The following LRP1 variants were observed in gnomAD, a reference collection of about 807,000 sequenced individuals.
LRP1 encodes the protein LDL receptor related protein 1.
Under a neutral mutation model 541.5 loss-of-function variants are expected in LRP1, and 51 were observed. The ratio of observed to expected loss-of-function variants is 0.09; its 90% confidence interval spans 0.08 to 0.12. The LOEUF (loss-of-function observed/expected upper bound fraction) is 0.12. LRP1 is among the 10% of genes least tolerant of loss of function. The pLI, the probability that LRP1 is intolerant of heterozygous loss-of-function variation, is 1.00. For synonymous variants in LRP1, 2,219 were observed against 2,470.8 expected (o/e 0.90, Z 3.02); for missense variants, 3,878 against 6,376.2 (o/e 0.61, Z 13.34).
intron 67 of LRP1, 130 bp from the exon 68 acceptor site, chr12:57,202,291 C>T: frequency 2.7e-6 from 2 of 753,732 alleles, no homozygotes; most frequent in South Asian, 1.5e-5. Flanking sequence ...ACCGCCTGGG[C>T]TCCCCGCGGC....
chr12:57,150,837 C>T (rs73342535), intron 6 of LRP1, among the ~76,000 whole-genome samples: 13,050 of 152,080 alleles, frequency 0.086, 1,234 homozygotes, highest in African/African-American at 0.22. Flanking sequence ...TGGAAGGTGA[C>T]AGAACCAGAA....
Position 57,193,321 on chromosome 12 carries a change from A to G in LRP1, c.7684+17A>G, listed in dbSNP as rs1038313229. 6.8e-6 allele frequency: 11 copies of G among 1,607,644 alleles called. No homozygotes were observed. In the Admixed American group the frequency reaches 1.5e-4, roughly 22 times the overall value. On this transcript the variant is annotated intron_variant, in intron 46 of 88. Transcript: ENST00000243077. ...CCTACTGCAGTAAGGAGCCCCCTGC[A>G]GCCCCTGCCTCTTCCAGGCCCAGAG...
chr12:57,178,382 G>A lies in LRP1; in HGVS notation c.4385G>A (p.Arg1462His), dbSNP rs566853443. The part of the protein sequence containing the change: ...DARSDAIYSA[R>H]YDGSGHMEVL... ...AGGTCAGATGCCATTTACTCAGCCC[G>A]TTACGACGGCTCTGGCCACATGGAG... is the stretch of plus-strand genomic sequence containing the variant. The change falls in exon 27 of 89, where the codon CGT (arginine) becomes CAT (histidine). Residue 1462 changes from arginine (R) to histidine (H), a missense_variant. Around this residue, in one of 13 missense-constraint regions of LRP1, gnomAD observed 54 missense variants for 167.7 expected, o/e 0.32. Transcript: ENST00000243077. This position sits in a 1 kb window ranked among gnomAD's most constrained non-coding sequence, Gnocchi z 5.8. 67 of 1,614,136 alleles carry A rather than the reference G, an allele frequency of 4.2e-5. 1 individual carries two copies. In the South Asian group the frequency reaches 6.0e-4, roughly 15 times the overall value.
chr12:57,191,949 A>ACACACCACACACACAC (rs1179965646), intron 44 of LRP1, among the ~76,000 whole-genome samples: 183 of 36,658 alleles, frequency 5.0e-3, no homozygotes, highest in Middle Eastern at 0.036. Flanking sequence ...CACCACATAC[A>ACACACCACACACACAC]CACACCACAT....
Position 57,180,103 on chromosome 12 carries a change from A to G in LRP1, c.5198A>G (p.Asn1733Ser). Residue 1733 changes from asparagine to serine, a missense_variant, in exon 31 of 89, where the codon AAT becomes AGT. Asn to Ser is a conservative substitution (Grantham distance 46, BLOSUM62 1). Around this residue, in one of 13 missense-constraint regions of LRP1, gnomAD observed 394 missense variants for 635.9 expected, o/e 0.62. Coordinates refer to ENST00000243077, the MANE Select transcript of LRP1 (RefSeq NM_002332.3). ...NISMANMDGS[N>S]RTLLFSGQKG... ...AGCATGGCCAACATGGATGGCAGCA[A>G]TCGCACCCTGCTCTTCAGTGGCCAG... 6.2e-7 allele frequency: 1 copy of G among 1,613,950 alleles called. No homozygotes were observed. The highest frequency in any genetic ancestry group is 1.6e-4 in the Middle Eastern group (1 of 6,062).
intron 42 of LRP1, among the ~76,000 whole-genome samples, chr12:57,188,379 G>A (rs918259910): frequency 1.3e-5 from 2 of 152,226 alleles, no homozygotes; most frequent in Non-Finnish European, 2.9e-5. Context: ...CAAAGCAGCT[G>A]TATAGATACG....
At position 57,187,471 on chromosome 12, in the gene LRP1, G is replaced by A; in HGVS notation, c.7031+15G>A. 6.2e-7 allele frequency: 1 copy of A among 1,607,934 alleles called. No homozygotes were observed. Among genetic ancestry groups the A allele is most frequent in the South Asian group, 1.1e-5 (1 of 90,210 alleles). ...GAGTGCCAGAAGTGAGCTGCTGCCTGGGGATGGGGGTAGCAGGGAGAGGTG... is the reference window on the plus strand; with the variant it reads ...GAGTGCCAGAAGTGAGCTGCTGCCTAGGGATGGGGGTAGCAGGGAGAGGTG... On this transcript the variant is annotated intron_variant, in intron 42 of 88. Coordinates refer to ENST00000243077, the MANE Select transcript of LRP1 (RefSeq NM_002332.3).
Position 57,150,189 on chromosome 12 carries a change from C to CTTTTTTTTTTTTTTTTTTTTTTTTTTTTT in LRP1, c.842-3999_842-3998insTTTTTTTTTTTTTTTTTTTTTTTTTTTTT, listed in dbSNP as rs769778868. ...GAGCCTGTAACAGGAAAACTTCCTT[C>CTTTTTTTTTTTTTTTTTTTTTTTTTTTTT]TTTTTTTTTTTTTTTTTTTTGAGAT... On this transcript the variant is annotated intron_variant, in intron 6 of 88. Coordinates refer to ENST00000243077, the MANE Select transcript of LRP1 (RefSeq NM_002332.3). 6.5e-5 allele frequency: 6 copies of CTTTTTTTTTTTTTTTTTTTTTTTTTTTTT among 92,844 alleles called. 2 individuals carry two copies. The highest frequency in any genetic ancestry group is 3.1e-4 in the African/African-American group (6 of 19,498). 5.8% of individuals were successfully genotyped at this position (92,844 alleles called of 1,614,324 possible).
In LRP1 at chr12:57,169,197, C is replaced by A; in HGVS notation, c.3053C>A (p.Thr1018Asn). The stretch of plus-strand genomic sequence containing the variant: ...GGCTGCAGCCACTCCTGTTCTAGCA[C>A]CCAGTTCAAGTGCAACAGCGGGCGT... ...EAGCSHSCSS[T>N]QFKCNSGRCI... Residue 1018 changes from threonine to asparagine, a missense_variant, in exon 20 of 89, where the codon ACC becomes AAC. Thr to Asn is a moderately conservative substitution (Grantham distance 65). Around this residue, in one of 13 missense-constraint regions of LRP1, gnomAD observed 320 missense variants for 547.9 expected, o/e 0.58. Transcript: ENST00000243077. 2 of 1,614,018 alleles carry A rather than the reference C, an allele frequency of 1.2e-6. No homozygotes were observed. Among genetic ancestry groups the A allele is most frequent in the Non-Finnish European group, 1.7e-6 (2 of 1,179,958 alleles).
intron 43 of LRP1, 76 bp downstream of exon 43, chr12:57,191,085 G>A (rs1374631180): frequency 1.4e-5 from 21 of 1,448,918 alleles, no homozygotes; most frequent in Middle Eastern, 2.1e-4. Flanking sequence ...AACCAAGACC[G>A]TCCAGGCACA....
chr12:57,149,509 C>G (rs2035484293), intron 6 of LRP1: 4 of 621,816 alleles, frequency 6.4e-6, no homozygotes, highest in Non-Finnish European at 1.2e-5. Flanking sequence ...GTAACTTAAG[C>G]AAGAGAGATG....
Position 57,203,441 on chromosome 12 carries a change from A to T in LRP1, c.10871A>T (p.His3624Leu), listed in dbSNP as rs1156292120. 2.5e-6 allele frequency: 4 copies of T among 1,607,122 alleles called. No individual in the cohort carries two copies. Among genetic ancestry groups the T allele is most frequent in the Admixed American group, 3.4e-5 (2 of 59,514 alleles). The change falls in exon 70 of 89, where the codon CAC becomes CTC. Residue 3624 changes from histidine to leucine, a missense_variant. Physicochemically the swap from His to Leu is moderately conservative, Grantham distance 99. Transcript: ENST00000243077. The stretch of plus-strand genomic sequence containing the variant: ...GACCAGTTCCAGTGCAAGAGCGGCC[A>T]CTGCATCCCCCTGCGCTGGCGCTGT... The part of the protein sequence containing the change: ...DMDQFQCKSG[H>L]CIPLRWRCDA...
At chr12:57,160,258 G>A (rs1309641998) in intron 12 of LRP1, among the ~76,000 whole-genome samples, 3 of 152,030 alleles carry the variant, frequency 2.0e-5, no homozygotes, top group East Asian at 1.9e-4. Flanking sequence ...TGAGAATGAG[G>A]CCCACGTTCT....
intron 1 of LRP1, among the ~76,000 whole-genome samples, chr12:57,137,684 C>A (rs1180458083): frequency 6.6e-6 from 1 of 151,944 alleles, no homozygotes; most frequent in Non-Finnish European, 1.5e-5. Flanking sequence ...TAGTTCCAGC[C>A]ACTGGGGAGG....
At chr12:57,169,085 G>A in intron 19 of LRP1, 55 bp from the exon 20 acceptor site, 1 of 1,525,548 alleles carries the variant, frequency 6.6e-7, no homozygotes, top group Non-Finnish European at 9.0e-7. Context: ...GGATCACAGA[G>A]AAGGCTGCTC....
chr12:57,143,813 G>T lies in LRP1; in HGVS notation c.448+15G>T. ...GACCTGCAAAGGTATGTGAGTGCAT[G>T]TGCCTGTGTGCATGTGTGTGTGCCA... On this transcript the variant is annotated intron_variant, in intron 4 of 88. Transcript: ENST00000243077. 3 of 1,610,598 alleles carry T rather than the reference G, an allele frequency of 1.9e-6. No homozygotes were observed. The highest frequency in any genetic ancestry group is 2.5e-6 in the Non-Finnish European group (3 of 1,177,948).
At chr12:57,146,953 C>G in intron 6 of LRP1, among the ~76,000 whole-genome samples, 1 of 151,978 alleles carries the variant, frequency 6.6e-6, no homozygotes, top group East Asian at 1.9e-4. Context: ...CTGCATCTTG[C>G]CATACAGTGG....
chr12:57,165,803 A>G lies in LRP1; in HGVS notation c.2531-2A>G. ...CCCCTCACGATCCTGTGGTGCCCAC[A>G]GCGAACCCATCCTACGTGCCTCCAC... is the stretch of plus-strand genomic sequence containing the variant. On this transcript the variant is annotated splice_acceptor_variant, in intron 15 of 88. Coordinates refer to ENST00000243077, the MANE Select transcript of LRP1 (RefSeq NM_002332.3). LOFTEE classifies it high-confidence loss of function. The surrounding 1 kb of genome is among the most constrained non-coding windows in gnomAD (Gnocchi z 4.5). The G allele has an allele frequency of 6.2e-7, 1 of 1,613,900 alleles. No individual in the cohort carries two copies.
intron 1 of LRP1, among the ~76,000 whole-genome samples, chr12:57,129,995 C>T (rs543554717): frequency 6.6e-6 from 1 of 152,302 alleles, no homozygotes; most frequent in Admixed American, 6.5e-5. Flanking sequence ...CAGAGTTAGG[C>T]TTAGGCTAGA....
Sources: allele counts gnomAD v4.1 joint callset (sites outside exome capture counted in the v4.1 genomes callset), GRCh38; gene constraint gnomAD v4.1.1; regional missense constraint gnomAD v4.1.1; non-coding constraint Gnocchi (gnomAD v3.1); transcripts MANE v1.5; gene names NCBI Gene and HGNC (gene_info 2026-07-23, HGNC 2026-07-21).